The following NRG1 variants were observed in gnomAD, a reference collection of about 807,000 sequenced individuals.
NRG1 encodes the protein pro-neuregulin-1, membrane-bound isoform.
In NRG1, 18 loss-of-function variants were observed where a neutral mutation model predicts 63.8. The observed-to-expected ratio is 0.28, with a 90% CI of 0.19 to 0.42. The LOEUF (loss-of-function observed/expected upper bound fraction) is 0.42. NRG1 is among the 10% of genes least tolerant of loss of function. NRG1 has a pLI of 1.00. For synonymous variants in NRG1, 302 were observed against 301.3 expected (o/e 1.00, Z -0.02); for missense variants, 762 against 814.7 (o/e 0.94, Z 0.79).
downstream of NRG1, among the ~76,000 whole-genome samples, chr8:32,772,185 T>C (rs1831871327): frequency 6.6e-6 from 1 of 151,288 alleles, no homozygotes; most frequent in Admixed American, 6.6e-5. Flanking sequence ...CCATGATCCA[T>C]CCAATAATTC....
chr8:32,644,319 T>C (rs1853019219), intron 5 of NRG1, among the ~76,000 whole-genome samples: 1 of 152,186 alleles, frequency 6.6e-6, no homozygotes, highest in Admixed American at 6.5e-5. Flanking sequence ...AGGGTTAAAA[T>C]GATATATCCT....
At chr8:31,761,073 C>A (rs1358329323) in intron 1 of NRG1, among the ~76,000 whole-genome samples, 18 of 152,088 alleles carry the variant, frequency 1.2e-4, no homozygotes, top group Non-Finnish European at 4.4e-5. Flanking sequence ...CAGTGATAGA[C>A]CGGATTAAGA....
intron 1 of NRG1, among the ~76,000 whole-genome samples, chr8:31,812,231 C>A (rs1822958176): frequency 6.6e-6 from 1 of 152,178 alleles, no homozygotes; most frequent in Non-Finnish European, 1.5e-5. Context: ...GTTTGAGAGG[C>A]TAGAACCGTG....
At chr8:31,875,843 G>C (rs1464584693) in intron 1 of NRG1, among the ~76,000 whole-genome samples, 1 of 152,148 alleles carries the variant, frequency 6.6e-6, no homozygotes, top group Non-Finnish European at 1.5e-5. Context: ...AGGAATTAGA[G>C]ATAAGCATGC....
At chr8:32,772,927 C>G (rs184086541), downstream of NRG1, among the ~76,000 whole-genome samples, 183 of 152,272 alleles carry the variant, frequency 1.2e-3, 2 homozygotes, top group African/African-American at 4.3e-3. Context: ...GAGTCTCCCC[C>G]ACAAAGATTC....
intron 1 of NRG1, among the ~76,000 whole-genome samples, chr8:32,159,962 G>T (rs1351025975): frequency 6.6e-6 from 1 of 152,176 alleles, no homozygotes; most frequent in African/African-American, 2.4e-5. Flanking sequence ...TTTCTCTATT[G>T]TCTTATTGAG....
At chr8:31,674,899 C>A (rs948161596) in intron 1 of NRG1, among the ~76,000 whole-genome samples, 1 of 152,188 alleles carries the variant, frequency 6.6e-6, no homozygotes, top group Non-Finnish European at 1.5e-5. Flanking sequence ...TGTGGGGTAG[C>A]ACTATCCTTT....
intron 1 of NRG1, among the ~76,000 whole-genome samples, chr8:32,591,239 A>G (rs927951453): frequency 6.6e-6 from 1 of 152,178 alleles, no homozygotes; most frequent in African/African-American, 2.4e-5. Flanking sequence ...TTACACCTGG[A>G]CTTCTAGGGA....
At chr8:31,851,919 C>A (rs1440115110) in intron 1 of NRG1, among the ~76,000 whole-genome samples, 1 of 151,232 alleles carries the variant, frequency 6.6e-6, no homozygotes, top group African/African-American at 2.4e-5. Flanking sequence ...TCATCCATGT[C>A]CCTACAAAGG....
intron 1 of NRG1, among the ~76,000 whole-genome samples, chr8:32,234,535 C>T (rs1418470140): frequency 2.0e-5 from 3 of 152,116 alleles, no homozygotes; most frequent in Non-Finnish European, 4.4e-5. Flanking sequence ...AGATTAAATC[C>T]ATATTTGCTC....
intron 1 of NRG1, among the ~76,000 whole-genome samples, chr8:32,306,056 C>G (rs985740656): frequency 6.6e-6 from 1 of 152,122 alleles, no homozygotes; most frequent in Admixed American, 6.6e-5. Context: ...TAGCAGAGTG[C>G]CTGTGTTCAA....
At chr8:32,211,443 G>T (rs548508907) in intron 1 of NRG1, among the ~76,000 whole-genome samples, 1 of 152,258 alleles carries the variant, frequency 6.6e-6, no homozygotes, top group South Asian at 2.1e-4. Flanking sequence ...GAATTGCTGA[G>T]CCAGGGGCAT....
intron 3 of NRG1, among the ~76,000 whole-genome samples, chr8:32,606,140 A>G (rs188306793): frequency 2.9e-4 from 43 of 148,562 alleles, no homozygotes; most frequent in Non-Finnish European, 1.5e-4. Context: ...TATATATAAC[A>G]TATGTATTAT....
intron 1 of NRG1, among the ~76,000 whole-genome samples, chr8:31,855,763 T>C (rs1021001700): frequency 6.6e-6 from 1 of 152,186 alleles, no homozygotes; most frequent in Non-Finnish European, 1.5e-5. Flanking sequence ...GTTGTTCCTT[T>C]TCATGTTTAG....
intron 1 of NRG1, among the ~76,000 whole-genome samples, chr8:32,551,054 A>C (rs1038698553): frequency 2.6e-5 from 4 of 152,242 alleles, no homozygotes; most frequent in African/African-American, 7.2e-5. Flanking sequence ...CATTAAATAC[A>C]ATGCTTCAGA....
chr8:32,424,529 GAGATCTGGTTTAAGTTCC>G (rs1201992336), intron 1 of NRG1, among the ~76,000 whole-genome samples: 1 of 152,122 alleles, frequency 6.6e-6, no homozygotes, highest in African/African-American at 2.4e-5. Flanking sequence ...AGTGAGTCAG[GAGATCTGGTTTAAGTTCC>G]AGATCTGCCT....
rs545145351 is a variant in NRG1, at chr8:32,128,746, T to C, written c.38-467082T>C. Among the ~76,000 whole-genome samples, 6 of 152,010 alleles carry C rather than the reference T, an allele frequency of 3.9e-5. No homozygotes were observed. The East Asian group carries it at 1.2e-3, about 30-fold the overall frequency. On this transcript the variant is annotated intron_variant, in intron 1 of 10. Coordinates refer to the NRG1 transcript ENST00000519301. ...TCTTTTTTAAAAAAAATCCTAAATA[T>C]CTTCTCCCTCTCACAGAATAAAAAT...
intron 1 of NRG1, among the ~76,000 whole-genome samples, chr8:31,771,040 G>A (rs1407789195): frequency 6.6e-6 from 1 of 151,978 alleles, no homozygotes; most frequent in Non-Finnish European, 1.5e-5. Flanking sequence ...TATAGCATAT[G>A]GTTCACTGAA....
intron 1 of NRG1, among the ~76,000 whole-genome samples, chr8:32,077,962 C>T (rs149142594): frequency 6.6e-6 from 1 of 152,296 alleles, no homozygotes; most frequent in Non-Finnish European, 1.5e-5. Flanking sequence ...TCTTCCAACA[C>T]ACTCAGAAGT....
Sources: gnomAD v4.1 joint callset for allele counts (sites outside exome capture counted in the v4.1 genomes callset) on GRCh38, gnomAD v4.1.1 for gene constraint, MANE v1.5 for transcripts, NCBI Gene and HGNC (gene_info 2026-07-23, HGNC 2026-07-21) for gene names.